Variants in PADI2 observed in about 807,000 individuals in gnomAD.
PADI2 encodes the protein protein-arginine deiminase type-2.
Under a neutral mutation model 81.1 loss-of-function variants are expected in PADI2, and 70 were observed. That is an observed-to-expected ratio of 0.86 (90% confidence interval 0.71 to 1.05). The LOEUF (loss-of-function observed/expected upper bound fraction) is 1.05, where lower values mean the gene tolerates loss of function less well. Among genes scored for constraint, PADI2 ranks in the 50% least tolerant of loss-of-function variants. The pLI is 0.00. For synonymous variants in PADI2, 338 were observed against 358.0 expected, an observed-to-expected ratio of 0.94 and a Z score of 0.63; for missense variants, 853 against 889.9, an observed-to-expected ratio of 0.96 and a Z score of 0.53.
At chr1:17,098,582 G>A (rs2235913) in intron 3 of PADI2, among the ~76,000 whole-genome samples, 86,032 of 152,070 alleles carry the variant, frequency 0.57, 24,600 homozygotes, top group Middle Eastern at 0.62. Context: ...TGCTTATTGC[G>A]ATTTCCTGAT....
In PADI2 at chr1:17,084,688, A is replaced by T. The variant is rs1166414998; in HGVS notation, c.849T>A (p.Thr283=). 4 of 1,556,940 alleles carry T rather than the reference A, an allele frequency of 2.6e-6. No individual in the cohort carries two copies. Among genetic ancestry groups the T allele is most frequent in the South Asian group, 1.2e-5 (1 of 84,338 alleles). Residue 283 remains threonine (T), a synonymous_variant, in exon 8 of 16, where the codon ACT becomes ACA. Coordinates refer to ENST00000375486, the MANE Select transcript of PADI2 (RefSeq NM_007365.3). ...ATATCACGGTGTCCGTGAAGATGGG[A>T]GTCAGGGGAATGTCCTGGGTGTGGG... ...LEYMAQDIPL[T]PIFTDTVIFR... is the part of the protein sequence containing the mutation.
At chr1:17,073,332 G>C (rs1442275422) in intron 13 of PADI2, among the ~76,000 whole-genome samples, 3 of 150,774 alleles carry the variant, frequency 2.0e-5, no homozygotes, top group African/African-American at 7.3e-5. Context: ...CAGGAGAATG[G>C]CTTGAACCTG....
In PADI2 at chr1:17,106,448, C is replaced by CT. The variant is rs1163064553; in HGVS notation, c.93-1388dup. 7.0e-3 allele frequency among the ~76,000 whole-genome samples: 991 copies of CT among 141,158 alleles called. 7 individuals carry two copies. Among genetic ancestry groups the CT allele is most frequent in the African/African-American group, 8.4e-3 (328 of 38,850 alleles). The allele number at this position is 141,158 out of a possible 152,430, so 92.6% of individuals were successfully genotyped here. A position where few individuals can be genotyped will look rare whatever the true frequency, so the allele number is the denominator to read the frequency against. ...TAGGGGCAGGCTTCTTTTTCTTCTT[C>CT]TTTTTTTTTTTTTTGAGATGGAGTC... On this transcript the variant is annotated intron_variant, in intron 1 of 15. Coordinates refer to ENST00000375486, the MANE Select transcript of PADI2 (RefSeq NM_007365.3).
At position 17,115,896 on chromosome 1, in the gene PADI2, G is replaced by C. The variant is rs574724860; in HGVS notation, c.92+3384C>G. 1.3e-5 allele frequency among the ~76,000 whole-genome samples: 2 copies of C among 152,338 alleles called. No homozygotes were observed. Among genetic ancestry groups the C allele is most frequent in the South Asian group, 4.1e-4 (2 of 4,826 alleles). On this transcript the variant is annotated intron_variant, in intron 1 of 15. Transcript: ENST00000375486. The surrounding 1 kb of genome is among the most constrained non-coding windows in gnomAD (Gnocchi z 4.1). ...CCTTCTTTCTATGTATCTATTCATTGCTTGCTGGAGACTAGCAGTCAGAAT... is the reference window on the plus strand; with the variant it reads ...CCTTCTTTCTATGTATCTATTCATTCCTTGCTGGAGACTAGCAGTCAGAAT...
chr1:17,071,533 C>G lies in PADI2; in HGVS notation c.1550-42G>C, dbSNP rs754061140. ...ACAGGGGATGGTCAAGCTTTAGATA[C>G]CCAGGCTGAGTGTTCCCCTTTTGCC... is the stretch of plus-strand genomic sequence containing the variant. On this transcript the variant is annotated intron_variant, in intron 13 of 15. Transcript: ENST00000375486. 16 of 1,495,764 alleles carry G rather than the reference C, an allele frequency of 1.1e-5. No homozygotes were observed. In the Admixed American group the frequency reaches 1.3e-4, roughly 13 times the overall value. 92.7% of individuals were successfully genotyped at this position (1,495,764 alleles called of 1,614,324 possible).
intron 7 of PADI2, among the ~76,000 whole-genome samples, chr1:17,086,036 GC>G (rs1220962972): frequency 1.5e-4 from 23 of 152,212 alleles, no homozygotes; most frequent in African/African-American, 5.1e-4. Context: ...GAGATGCCTG[GC>G]CCCAGGGTAG....
At chr1:17,076,504 T>C (rs1037733035) in intron 11 of PADI2, among the ~76,000 whole-genome samples, 3 of 151,250 alleles carry the variant, frequency 2.0e-5, no homozygotes, top group African/African-American at 7.3e-5. Flanking sequence ...TGAGCCACTG[T>C]GCCTGGACTT....
intron 7 of PADI2, 59 bp from the exon 8 acceptor site, chr1:17,084,761 C>T: frequency 1.9e-6 from 2 of 1,068,168 alleles, no homozygotes; most frequent in Non-Finnish European, 2.8e-6. Context: ...CTTTCTTTGC[C>T]TGCCTTTCAA....
intron 11 of PADI2, 95 bp from the exon 12 acceptor site, chr1:17,075,918 G>A: frequency 8.2e-7 from 1 of 1,213,078 alleles, no homozygotes; most frequent in Non-Finnish European, 1.2e-6. Flanking sequence ...CTCGGACCCA[G>A]AGTGACATCA....
At chr1:17,086,116 A>T (rs1930402098) in intron 7 of PADI2, among the ~76,000 whole-genome samples, 1 of 151,958 alleles carries the variant, frequency 6.6e-6, no homozygotes, top group South Asian at 2.1e-4. Context: ...CAGTTGGGGG[A>T]GGGGTCAGAG....
At position 17,067,421 on chromosome 1, in the gene PADI2, T is replaced by C. The variant is rs1404321999; in HGVS notation, c.*1623A>G. The C allele has an allele frequency of 1.3e-5, 2 of 152,032 alleles. No individual in the cohort carries two copies. The highest frequency in any genetic ancestry group is 1.3e-4 in the Admixed American group (2 of 15,262). 9.4% of individuals were successfully genotyped at this position (152,032 alleles called of 1,614,324 possible). A position where few individuals can be genotyped will look rare whatever the true frequency, so the allele number is the denominator to read the frequency against. ...AGCTTCTGGAGGCTCTGGGGACTCA[T>C]TGGATGGGTACTGGCTAGGTAGATG... is the stretch of plus-strand genomic sequence containing the variant. On this transcript the variant is annotated 3_prime_UTR_variant, in exon 16 of 16. Coordinates refer to ENST00000375486, the MANE Select transcript of PADI2 (RefSeq NM_007365.3).
At chr1:17,088,220 G>A (rs1368235227) in intron 6 of PADI2, among the ~76,000 whole-genome samples, 1 of 152,196 alleles carries the variant, frequency 6.6e-6, no homozygotes, top group African/African-American at 2.4e-5. Context: ...GGCAGAAATG[G>A]GTGTGTTGGG....
chr1:17,116,693 C>A (rs1335171214), intron 1 of PADI2, among the ~76,000 whole-genome samples: 2 of 152,150 alleles, frequency 1.3e-5, no homozygotes, highest in Non-Finnish European at 2.9e-5. Context: ...TCCTGTGTGA[C>A]TCTGGACAAA....
At chr1:17,088,076 T>C (rs1413196559) in intron 6 of PADI2, among the ~76,000 whole-genome samples, 1 of 151,988 alleles carries the variant, frequency 6.6e-6, no homozygotes, top group Non-Finnish European at 1.5e-5. Context: ...ATGGAGCAGA[T>C]GTGGGAAGCG....
intron 6 of PADI2, 106 bp from the exon 7 acceptor site, chr1:17,086,805 CAGAG>C: frequency 2.2e-6 from 2 of 912,336 alleles, no homozygotes; most frequent in Non-Finnish European, 1.7e-6. Context: ...GTCCTCTAGA[CAGAG>C]AGAAAAGCAC....
Position 17,103,070 on chromosome 1 carries a change from A to C in PADI2, c.277-11T>G, listed in dbSNP as rs1557770549. On this transcript the variant is annotated splice_polypyrimidine_tract_variant and intron_variant, in intron 2 of 15. Coordinates refer to ENST00000375486, the MANE Select transcript of PADI2 (RefSeq NM_007365.3). ...GTAGTTGACGGTGACCTTGGTGGGG[A>C]GGGGGCACATTGGAGTAGAGAGAAA... is the stretch of plus-strand genomic sequence containing the variant. The C allele has an allele frequency of 1.9e-6, 3 of 1,606,272 alleles. No individual in the cohort carries two copies. The South Asian group carries it at 3.3e-5, about 18-fold the overall frequency.
intron 13 of PADI2, 78 bp downstream of exon 13, chr1:17,074,778 T>G (rs2078289007): frequency 2.4e-6 from 2 of 836,392 alleles, no homozygotes; most frequent in African/African-American, 1.7e-5. Context: ...GACAAAGTGC[T>G]TATCTGCCCC....
chr1:17,087,289 C>A (rs1167307562), intron 6 of PADI2, among the ~76,000 whole-genome samples: 1 of 152,176 alleles, frequency 6.6e-6, no homozygotes, highest in South Asian at 2.1e-4. Context: ...TCCTCCAGGG[C>A]TCCTGCCCTC....
intron 1 of PADI2, among the ~76,000 whole-genome samples, chr1:17,113,251 C>CTATTATTAT (rs67222510): frequency 6.7e-6 from 1 of 148,422 alleles, no homozygotes; most frequent in Non-Finnish European, 1.5e-5. Context: ...TGAGTATTTA[C>CTATTATTAT]TATTATTATT....
Sources: allele counts gnomAD v4.1 joint callset (sites outside exome capture counted in the v4.1 genomes callset), GRCh38; gene constraint gnomAD v4.1.1; non-coding constraint Gnocchi (gnomAD v3.1); transcripts MANE v1.5; gene names NCBI Gene and HGNC (gene_info 2026-07-23, HGNC 2026-07-21).